Variants in NRXN1 observed in about 807,000 individuals in gnomAD.
NRXN1 encodes neurexin-1.
NRXN1 carries 39 observed loss-of-function variants against 150.9 expected under a neutral mutation model. The observed-to-expected ratio is 0.26, with a 90% CI of 0.20 to 0.34. NRXN1 has a LOEUF of 0.34. Ranked by LOEUF, NRXN1 falls within the 10% of genes least tolerant of loss-of-function variation. The probability of loss-of-function intolerance (pLI) is 1.00; values close to 1 mark genes in which losing one functional copy is unlikely to be tolerated. For synonymous variants in NRXN1, 924 were observed against 757.0 expected (o/e 1.22, Z -3.62); for missense variants, 1,815 against 1,949.9 (o/e 0.93, Z 1.30).
intron 21 of NRXN1, among the ~76,000 whole-genome samples, chr2:49,974,673 T>C (rs1213342719): frequency 6.6e-6 from 1 of 152,094 alleles, no homozygotes; most frequent in East Asian, 1.9e-4. Context: ...TGACATTTTT[T>C]GAATGCCAAG....
At chr2:50,048,175 A>T (rs1692133039) in intron 21 of NRXN1, among the ~76,000 whole-genome samples, 1 of 152,180 alleles carries the variant, frequency 6.6e-6, no homozygotes, top group Non-Finnish European at 1.5e-5. Context: ...CACTCTTCTC[A>T]CCAGGCACCA....
At chr2:50,667,915 T>C (rs1045936888) in intron 5 of NRXN1, among the ~76,000 whole-genome samples, 4 of 152,022 alleles carry the variant, frequency 2.6e-5, no homozygotes, top group African/African-American at 9.6e-5. Flanking sequence ...TATAATGCTT[T>C]ATGTATTTCA....
intron 5 of NRXN1, among the ~76,000 whole-genome samples, chr2:50,788,538 A>G (rs191793632): frequency 1.2e-3 from 187 of 152,112 alleles, no homozygotes; most frequent in African/African-American, 3.7e-3. Flanking sequence ...CTGTAATATC[A>G]TAAGACTATT....
intron 12 of NRXN1, among the ~76,000 whole-genome samples, chr2:50,521,265 G>T (rs560295630): frequency 1.5e-3 from 230 of 152,194 alleles, no homozygotes; most frequent in African/African-American, 5.2e-3. Flanking sequence ...AAAGGCAATT[G>T]TCTTTGAAAT....
At chr2:50,875,711 G>C (rs1266001449) in intron 5 of NRXN1, among the ~76,000 whole-genome samples, 1 of 151,762 alleles carries the variant, frequency 6.6e-6, no homozygotes, top group Non-Finnish European at 1.5e-5. Context: ...CCAACAGCTT[G>C]ATATCCAGGC....
intron 5 of NRXN1, among the ~76,000 whole-genome samples, chr2:50,879,627 TG>T (rs1382854356): frequency 1.3e-5 from 2 of 151,764 alleles, no homozygotes; most frequent in Non-Finnish European, 2.9e-5. Flanking sequence ...GTTGGGGTGG[TG>T]GGGGCAGCAG....
At chr2:50,157,374 T>C (rs1173228871) in intron 18 of NRXN1, among the ~76,000 whole-genome samples, 3 of 152,050 alleles carry the variant, frequency 2.0e-5, no homozygotes. Flanking sequence ...ATAAAAAAGA[T>C]AAGCATAGGC....
rs1035188476 is a variant in NRXN1 at position 51,028,407 on chromosome 2, C to T, written c.-134G>A. 1 of 519,502 alleles carries T rather than the reference C, an allele frequency of 1.9e-6. No homozygotes were observed. The highest frequency in any genetic ancestry group is 3.7e-5 in the Admixed American group (1 of 27,072). 32.2% of individuals were successfully genotyped at this position (519,502 alleles called of 1,614,324 possible). On this transcript the variant is annotated 5_prime_UTR_variant, in exon 2 of 23. Coordinates refer to ENST00000401669, the MANE Select transcript of NRXN1 (RefSeq NM_001330078.2). ...AAGGCGGGAGTGAGAGGGATGTGCC[C>T]TCCTTTATCTAGTTCTTTTTTTCTT...
intron 5 of NRXN1, among the ~76,000 whole-genome samples, chr2:50,744,570 G>A (rs917776818): frequency 4.0e-5 from 6 of 151,852 alleles, no homozygotes; most frequent in Non-Finnish European, 7.4e-5. Flanking sequence ...ACATATAAAT[G>A]GTCCTTCATT....
At chr2:50,263,157 TACACAC>T (rs58442373) in intron 17 of NRXN1, among the ~76,000 whole-genome samples, 1,541 of 147,334 alleles carry the variant, frequency 0.01, 15 homozygotes, top group African/African-American at 0.031. Context: ...AAAACACACA[TACACAC>T]ACACACACAC....
chr2:50,541,132 T>C (rs530342437), intron 9 of NRXN1, among the ~76,000 whole-genome samples: 15 of 152,214 alleles, frequency 9.9e-5, no homozygotes, highest in Non-Finnish European at 2.2e-4. Context: ...AAAGGAACAA[T>C]GACAAATTAT....
At chr2:50,610,507 C>T (rs960056851) in intron 8 of NRXN1, among the ~76,000 whole-genome samples, 2 of 150,712 alleles carry the variant, frequency 1.3e-5, no homozygotes, top group African/African-American at 4.9e-5. Flanking sequence ...ATTTTTCATA[C>T]CTCACTTAGG....
intron 5 of NRXN1, among the ~76,000 whole-genome samples, chr2:50,661,460 TAA>T (rs1337103993): frequency 6.6e-6 from 1 of 152,054 alleles, no homozygotes; most frequent in Non-Finnish European, 1.5e-5. Context: ...TTAGCAAACA[TAA>T]ATAGTGATTT....
At chr2:50,044,793 C>T (rs559772995) in intron 21 of NRXN1, among the ~76,000 whole-genome samples, 1 of 152,082 alleles carries the variant, frequency 6.6e-6, no homozygotes, top group Non-Finnish European at 1.5e-5. Context: ...TAATACCTAG[C>T]AAAGTGTGCT....
At chr2:50,637,652 A>T (rs1683425668) in intron 5 of NRXN1, 1 of 152,308 alleles carries the variant, frequency 6.6e-6, no homozygotes, top group South Asian at 2.1e-4. Context: ...GCTCCAGTGA[A>T]CTTGAGGTAA....
In NRXN1 at chr2:50,081,242, C is replaced by T. The variant is rs982899886; in HGVS notation, c.3718+10081G>A. ...TTTTTGATACTCTGCCTCCTCTTGA[C>T]GGCACTTTCATTTGTTTATTAGAAG... On this transcript the variant is annotated intron_variant, in intron 19 of 22. Transcript: ENST00000401669. Among the ~76,000 whole-genome samples the T allele has an allele frequency of 1.3e-4, 20 of 152,126 alleles. 1 individual carries two copies. Among genetic ancestry groups the T allele is most frequent in the African/African-American group, 4.3e-4 (18 of 41,436 alleles).
At chr2:51,025,986 C>A (rs1311508192) in intron 2 of NRXN1, among the ~76,000 whole-genome samples, 1 of 151,918 alleles carries the variant, frequency 6.6e-6, no homozygotes, top group Non-Finnish European at 1.5e-5. Context: ...GTGAAGGCTA[C>A]AGAAGTCTCC....
At chr2:50,965,288 G>A (rs1215681532) in intron 2 of NRXN1, among the ~76,000 whole-genome samples, 2 of 151,242 alleles carry the variant, frequency 1.3e-5, no homozygotes, top group East Asian at 3.9e-4. Flanking sequence ...TTATCTCATG[G>A]AGAGACATTA....
At chr2:50,445,880 T>C (rs1002370208) in intron 17 of NRXN1, among the ~76,000 whole-genome samples, 1 of 152,170 alleles carries the variant, frequency 6.6e-6, no homozygotes, top group Non-Finnish European at 1.5e-5. Context: ...CCCTACTCTT[T>C]GTCCATTCCT....
Sources: allele counts gnomAD v4.1 joint callset (sites outside exome capture counted in the v4.1 genomes callset), GRCh38; gene constraint gnomAD v4.1.1; transcripts MANE v1.5; gene names NCBI Gene and HGNC (gene_info 2026-07-23, HGNC 2026-07-21).